Variants in GMEB1 observed in about 807,000 individuals in gnomAD.
GMEB1 encodes glucocorticoid modulatory element-binding protein 1.
A neutral mutation model predicts 52.4 loss-of-function variants in GMEB1; 6 were observed. That is an observed-to-expected ratio of 0.11 (90% confidence interval 0.06 to 0.23). The LOEUF (loss-of-function observed/expected upper bound fraction) is 0.23. Ranked by LOEUF, GMEB1 falls within the 10% of genes least tolerant of loss-of-function variation. GMEB1 has a pLI of 1.00. For synonymous variants in GMEB1, 255 were observed against 244.9 expected, an observed-to-expected ratio of 1.04 and a Z score of -0.38; for missense variants, 486 against 685.6, an observed-to-expected ratio of 0.71 and a Z score of 3.25.
chr1:28,694,259 C>T lies in GMEB1; in HGVS notation c.440+1214C>T, dbSNP rs1445626456. Among the ~76,000 whole-genome samples, 22 of 147,754 alleles carry T rather than the reference C, an allele frequency of 1.5e-4. 1 individual carries two copies. Among genetic ancestry groups the T allele is most frequent in the Middle Eastern group, 6.9e-3 (2 of 290 alleles). On this transcript the variant is annotated intron_variant, in intron 5 of 9. Transcript: ENST00000373816. ...AGGCTGGAGTGCAGTGGCGCAGTCT[C>T]GGCTCACTGCAACCTCTGCCTCCCG... is the stretch of plus-strand genomic sequence containing the variant.
chr1:28,680,797 A>G (rs1669356479), intron 1 of GMEB1, among the ~76,000 whole-genome samples: 1 of 152,108 alleles, frequency 6.6e-6, no homozygotes, highest in South Asian at 2.1e-4. Flanking sequence ...TCATCCCAGC[A>G]CTTTGGGAGG....
chr1:28,684,518 G>A (rs535684459), intron 2 of GMEB1, among the ~76,000 whole-genome samples: 53 of 147,006 alleles, frequency 3.6e-4, no homozygotes, highest in Admixed American at 5.6e-4. Flanking sequence ...AGCCGAGATC[G>A]CGCCACTGCA....
At chr1:28,711,281 T>C (rs10799119) in intron 9 of GMEB1, among the ~76,000 whole-genome samples, 1 of 147,654 alleles carries the variant, frequency 6.8e-6, no homozygotes, top group African/African-American at 2.5e-5. Flanking sequence ...AACGAGACTC[T>C]GTCTCAAAAA....
At chr1:28,708,148 C>T (rs1670867616) in intron 8 of GMEB1, among the ~76,000 whole-genome samples, 1 of 152,154 alleles carries the variant, frequency 6.6e-6, no homozygotes, top group Non-Finnish European at 1.5e-5. Flanking sequence ...ATCCACCTGG[C>T]TTAGCCTCCC....
At chr1:28,713,507 C>A (rs2124598043) in intron 9 of GMEB1, among the ~76,000 whole-genome samples, 1 of 152,270 alleles carries the variant, frequency 6.6e-6, no homozygotes, top group Non-Finnish European at 1.5e-5. Context: ...CTCTCTGGAT[C>A]CCTGTCAAAA....
At chr1:28,677,584 A>C (rs910330626) in intron 1 of GMEB1, among the ~76,000 whole-genome samples, 2 of 152,318 alleles carry the variant, frequency 1.3e-5, no homozygotes, top group Admixed American at 1.3e-4. Flanking sequence ...TACATCTTTT[A>C]AATTAAATGT....
intron 1 of GMEB1, among the ~76,000 whole-genome samples, chr1:28,675,450 G>A (rs932622053): frequency 6.6e-6 from 1 of 151,998 alleles, no homozygotes; most frequent in African/African-American, 2.4e-5. Context: ...AGACAGGCGC[G>A]GGCAGATCAC....
chr1:28,688,140 C>T (rs1669776735), intron 2 of GMEB1, among the ~76,000 whole-genome samples: 1 of 152,000 alleles, frequency 6.6e-6, no homozygotes, highest in Admixed American at 6.6e-5. Flanking sequence ...CAAAATTAGC[C>T]AGCGTGGTGG....
intron 1 of GMEB1, among the ~76,000 whole-genome samples, chr1:28,675,545 T>C (rs1019843155): frequency 6.6e-6 from 1 of 151,760 alleles, no homozygotes; most frequent in Non-Finnish European, 1.5e-5. Context: ...AGCATGGTGG[T>C]GTGCACATGT....
rs34267851 is a variant in GMEB1 at position 28,674,708 on chromosome 1, C to CTTT, written c.-31+5895_-31+5897dup. 1.3e-3 allele frequency among the ~76,000 whole-genome samples: 62 copies of CTTT among 49,140 alleles called. 5 individuals carry two copies. The highest frequency in any genetic ancestry group is 3.6e-3 in the African/African-American group (43 of 11,986). 32.2% of individuals were successfully genotyped at this position (49,140 alleles called of 152,430 possible). The stretch of plus-strand genomic sequence containing the variant: ...CCGTGCCCGGCCAGAATAGTTAATT[C>CTTT]TTTTTTTTTTTTTTTTTTTTTTTTT... On this transcript the variant is annotated intron_variant, in intron 1 of 9. Transcript: ENST00000373816.
At chr1:28,681,105 A>G (rs892535077) in intron 1 of GMEB1, among the ~76,000 whole-genome samples, 2 of 152,190 alleles carry the variant, frequency 1.3e-5, no homozygotes, top group African/African-American at 2.4e-5. Context: ...ACTGAGGAGG[A>G]AAAGCCAACA....
chr1:28,709,182 G>A (rs1034389633), intron 8 of GMEB1, among the ~76,000 whole-genome samples: 4 of 150,398 alleles, frequency 2.7e-5, no homozygotes, highest in Non-Finnish European at 3.0e-5. Context: ...TGGCGTGCAC[G>A]TGTAATCCCA....
Position 28,717,953 on chromosome 1 carries a change from G to A in GMEB1, c.*3180G>A, listed in dbSNP as rs1557529909. On this transcript the variant is annotated 3_prime_UTR_variant, in exon 10 of 10. Transcript: ENST00000373816. ...TCCTCAAACAGCCTGTTTACTAGAT[G>A]AATTTTCCAGCTGGTGAAATACATG... 6.6e-6 allele frequency: 1 copy of A among 152,142 alleles called. No individual in the cohort carries two copies. The highest frequency in any genetic ancestry group is 2.4e-5 in the African/African-American group (1 of 41,432). The allele number at this position is 152,142 out of a possible 1,614,324, so 9.4% of individuals were successfully genotyped here.
intron 1 of GMEB1, among the ~76,000 whole-genome samples, chr1:28,682,032 C>G (rs1053915080): frequency 6.6e-6 from 1 of 152,028 alleles, no homozygotes; most frequent in African/African-American, 2.4e-5. Flanking sequence ...CTCAAACTTG[C>G]ATCCATTGTG....
intron 5 of GMEB1, among the ~76,000 whole-genome samples, chr1:28,695,730 A>G (rs1325606794): frequency 6.8e-6 from 1 of 147,456 alleles, no homozygotes; most frequent in African/African-American, 2.5e-5. Flanking sequence ...CGAGGTCAGG[A>G]GATCGAGACC....
rs1161076315 is a variant in GMEB1 at position 28,687,334 on chromosome 1, TCACACA to T, written c.129-2721_129-2716del. Among the ~76,000 whole-genome samples the T allele has an allele frequency of 2.9e-3, 155 of 54,118 alleles. 27 individuals are homozygous for T. Among genetic ancestry groups the T allele is most frequent in the African/African-American group, 0.01 (144 of 13,976 alleles). The allele number at this position is 54,118 out of a possible 152,430, so 35.5% of individuals were successfully genotyped here. On this transcript the variant is annotated intron_variant, in intron 2 of 9. Transcript: ENST00000373816. Reference sequence around the variant, plus strand: ...CTGGGCAACAGAATGAGACCCTATCTCACACACACACACACACACACACACACACAC... The same window carrying T: ...CTGGGCAACAGAATGAGACCCTATCTCACACACACACACACACACACACAC...
intron 1 of GMEB1, among the ~76,000 whole-genome samples, chr1:28,674,954 C>T (rs1438389473): frequency 3.1e-5 from 4 of 127,380 alleles, no homozygotes; most frequent in Non-Finnish European, 6.6e-5. Context: ...CTCCTGACCT[C>T]GTGATCCGCC....
chr1:28,672,747 T>TG (rs1231388830), intron 1 of GMEB1, among the ~76,000 whole-genome samples: 3 of 147,446 alleles, frequency 2.0e-5, no homozygotes, highest in Admixed American at 6.8e-5. Context: ...TTTTTTTTTT[T>TG]TTTTTTTTGT....
intron 2 of GMEB1, among the ~76,000 whole-genome samples, chr1:28,687,372 ACACACACACAC>A (rs1669705972): frequency 9.9e-5 from 10 of 100,992 alleles, no homozygotes; most frequent in Admixed American, 1.9e-4. Context: ...ACACACACAC[ACACACACACAC>A]ACACAAAAAA....
Sources: allele counts gnomAD v4.1 joint callset (sites outside exome capture counted in the v4.1 genomes callset), GRCh38; gene constraint gnomAD v4.1.1; transcripts MANE v1.5; gene names NCBI Gene and HGNC (gene_info 2026-07-23, HGNC 2026-07-21).